TRARG1: variants seen among roughly 807,000 people sequenced by gnomAD.
The protein encoded by TRARG1 is trafficking regulator of GLUT4 (SLC2A4) 1 (gene/pseudogene).
TRARG1 carries 16 observed loss-of-function variants against 13.3 expected under a neutral mutation model. The observed-to-expected ratio is 1.20, with a 90% confidence interval of 0.81 to 1.83. TRARG1 has a LOEUF of 1.83. Ranked by LOEUF, TRARG1 falls within the 40% of genes most tolerant of loss-of-function variation. The probability of loss-of-function intolerance (pLI) is 0.00; values close to 1 mark genes in which losing one functional copy is unlikely to be tolerated. For missense variants in TRARG1, 250 were observed against 237.4 expected (o/e 1.05, Z -0.35); for synonymous variants, 113 against 106.2 (o/e 1.06, Z -0.39).
intron 1 of TRARG1, among the ~76,000 whole-genome samples, chr17:1,284,673 T>TA (rs2072007580): frequency 6.7e-6 from 1 of 149,962 alleles, no homozygotes; most frequent in South Asian, 2.1e-4. Context: ...AATGTGCCTC[T>TA]TTTATTTATT....
At chr17:1,283,995 G>C (rs12604056) in intron 1 of TRARG1, among the ~76,000 whole-genome samples, 13,857 of 150,330 alleles carry the variant, frequency 0.092, 722 homozygotes, top group East Asian at 0.21. Context: ...GGCGCCTGTA[G>C]TCCCAGCTAC....
In TRARG1 at chr17:1,280,910, C is replaced by A. The variant is rs553871591; in HGVS notation, c.387+522C>A. Among the ~76,000 whole-genome samples, 12 of 152,334 alleles carry A rather than the reference C, an allele frequency of 7.9e-5. No individual in the cohort carries two copies. In the East Asian group the frequency reaches 2.3e-3, roughly 29 times the overall value. The stretch of plus-strand genomic sequence containing the variant: ...GTACCCTGAGGGCTCCGGGGCCAGG[C>A]TCCCCCGAGGGGCGCACAAAGCGGG... On this transcript the variant is annotated intron_variant, in intron 1 of 2. Coordinates refer to ENST00000333813, the MANE Select transcript of TRARG1 (RefSeq NM_172367.3).
In TRARG1 at chr17:1,280,344, C is replaced by G; in HGVS notation, c.343C>G (p.Pro115Ala). The change falls in exon 1 of 3, where the codon CCC (proline) becomes GCC (alanine). Residue 115 changes from proline to alanine, a missense_variant. Coordinates refer to ENST00000333813, the MANE Select transcript of TRARG1 (RefSeq NM_172367.3). Reference sequence around the variant, plus strand: ...CCTGGCCGTCGTCGCCTGCTTCTGCCCCGTCTGGCCCCTCAACCTCATCCC... The same window carrying G: ...CCTGGCCGTCGTCGCCTGCTTCTGCGCCGTCTGGCCCCTCAACCTCATCCC... ...LILAVVACFC[P>A]VWPLNLIPLI... is the part of the protein sequence containing the mutation. The G allele has an allele frequency of 6.2e-7, 1 of 1,611,568 alleles. No individual in the cohort carries two copies. Among genetic ancestry groups the G allele is most frequent in the Non-Finnish European group, 8.5e-7 (1 of 1,178,944 alleles).
intron 2 of TRARG1, among the ~76,000 whole-genome samples, chr17:1,296,516 C>CT (rs5818791): frequency 0.66 from 90,726 of 136,520 alleles, 30,366 homozygotes; most frequent in East Asian, 0.88. Flanking sequence ...TTTTCTCTTT[C>CT]TTTTTTTTTT....
intron 1 of TRARG1, among the ~76,000 whole-genome samples, chr17:1,281,953 T>C (rs115295357): frequency 0.014 from 2,138 of 151,760 alleles, 14 homozygotes; most frequent in Middle Eastern, 0.061. Flanking sequence ...TATATGCACA[T>C]ACATGTACAT....
chr17:1,295,773 G>A, intron 2 of TRARG1, 150 bp downstream of exon 2: 1 of 884,582 alleles, frequency 1.1e-6, no homozygotes, highest in South Asian at 1.9e-5. Context: ...AGTCCATAAA[G>A]TGCCCCAGTT....
intron 1 of TRARG1, among the ~76,000 whole-genome samples, chr17:1,281,847 G>A (rs2071974221): frequency 6.6e-6 from 1 of 152,070 alleles, no homozygotes; most frequent in South Asian, 2.1e-4. Context: ...AGGCTGGGCA[G>A]GACCTGCCTC....
chr17:1,279,872 C>T lies in TRARG1; in HGVS notation c.-130C>T. ...ACCCTTCCAGCACCCAGCCGGCCCT[C>T]CGTCTCCTGAGGGACGCCCCTGCCC... On this transcript the variant is annotated 5_prime_UTR_variant, in exon 1 of 3. Coordinates refer to ENST00000333813, the MANE Select transcript of TRARG1 (RefSeq NM_172367.3). 1.8e-6 allele frequency: 2 copies of T among 1,109,416 alleles called. No individual in the cohort carries two copies. Among genetic ancestry groups the T allele is most frequent in the African/African-American group, 1.6e-5 (1 of 63,614 alleles). 68.7% of individuals were successfully genotyped at this position (1,109,416 alleles called of 1,614,324 possible).
intron 1 of TRARG1, among the ~76,000 whole-genome samples, chr17:1,282,221 C>CATGCGTATAT (rs1567928173): frequency 2.2e-5 from 2 of 91,548 alleles, no homozygotes; most frequent in African/African-American, 9.6e-5. Context: ...TACGTATACA[C>CATGCGTATAT]GTGCGTATAT....
At chr17:1,293,327 G>GT (rs1228587703) in intron 1 of TRARG1, among the ~76,000 whole-genome samples, 3 of 149,204 alleles carry the variant, frequency 2.0e-5, no homozygotes, top group African/African-American at 7.4e-5. Flanking sequence ...CTCCTGCTTT[G>GT]TAACAGAGGG....
intron 1 of TRARG1, among the ~76,000 whole-genome samples, chr17:1,291,103 A>C (rs1357584671): frequency 1.3e-5 from 2 of 151,108 alleles, no homozygotes; most frequent in African/African-American, 4.9e-5. Flanking sequence ...ACGGGGTTTC[A>C]CCATGTTGGT....
Position 1,292,584 on chromosome 17 carries a change from T to C in TRARG1, c.388-2907T>C, listed in dbSNP as rs777543896. On this transcript the variant is annotated intron_variant, in intron 1 of 2. Coordinates refer to ENST00000333813, the MANE Select transcript of TRARG1 (RefSeq NM_172367.3). ...ACCTCCTCAGTCAGCGACTGTTTTT[T>C]GAACATCTACACATTTGCCATGCAG... 7.2e-5 allele frequency among the ~76,000 whole-genome samples: 11 copies of C among 152,006 alleles called. 1 individual carries two copies. The highest frequency in any genetic ancestry group is 1.3e-4 in the Non-Finnish European group (9 of 67,974).
At chr17:1,293,498 G>A (rs544133725) in intron 1 of TRARG1, among the ~76,000 whole-genome samples, 2 of 149,882 alleles carry the variant, frequency 1.3e-5, no homozygotes, top group Non-Finnish European at 3.0e-5. Flanking sequence ...TGATGATGTC[G>A]TGGGTTGTGC....
At position 1,280,190 on chromosome 17, in the gene TRARG1, G is replaced by A; in HGVS notation, c.189G>A (p.Lys63=). 1 of 1,614,054 alleles carries A rather than the reference G, an allele frequency of 6.2e-7. No homozygotes were observed. Among genetic ancestry groups the A allele is most frequent in the East Asian group, 2.2e-5 (1 of 44,876 alleles). Residue 63 remains lysine, a synonymous_variant, in exon 1 of 3, where the codon AAG becomes AAA. Transcript: ENST00000333813. ...AGAACAGCCAGGGCCTACCCTTCAA[G>A]GCCATCTCCGAGGGGCACCTGGAGG... ...LEQNSQGLPF[K]AISEGHLEAP...
chr17:1,287,844 G>A (rs2150808552), intron 1 of TRARG1, among the ~76,000 whole-genome samples: 1 of 151,940 alleles, frequency 6.6e-6, no homozygotes, highest in East Asian at 1.9e-4. Flanking sequence ...GTAGAGACAA[G>A]GTTTCACCAT....
chr17:1,297,070 G>A (rs1266679334), intron 2 of TRARG1, among the ~76,000 whole-genome samples: 3 of 152,100 alleles, frequency 2.0e-5, no homozygotes, highest in Non-Finnish European at 4.4e-5. Flanking sequence ...CGTACATCAG[G>A]AAGTCCCCAA....
Position 1,280,389 on chromosome 17 carries a change from G to C in TRARG1, c.387+1G>C. The C allele has an allele frequency of 6.3e-7, 1 of 1,589,652 alleles. No individual in the cohort carries two copies. ...CATCCCCCTCATCATTTCCATCATGGTAAGTGCTGGTCTTTGTTCCAGGGG... is the reference window on the plus strand; with the variant it reads ...CATCCCCCTCATCATTTCCATCATGCTAAGTGCTGGTCTTTGTTCCAGGGG... On this transcript the variant is annotated splice_donor_variant, in intron 1 of 2. Coordinates refer to ENST00000333813, the MANE Select transcript of TRARG1 (RefSeq NM_172367.3). LOFTEE classifies it high-confidence loss of function.
Position 1,284,462 on chromosome 17 carries a change from C to T in TRARG1, c.387+4074C>T, listed in dbSNP as rs143790754. 3.9e-5 allele frequency among the ~76,000 whole-genome samples: 6 copies of T among 152,166 alleles called. No individual in the cohort carries two copies. The South Asian group carries it at 1.0e-3, about 26-fold the overall frequency. ...GAGGGGTTGGAGGGGATGAGGCTGG[C>T]GTTCAGCAGAGGGGACCCTCGTAGG... On this transcript the variant is annotated intron_variant, in intron 1 of 2. Transcript: ENST00000333813.
chr17:1,288,489 T>TG (rs2072042497), intron 1 of TRARG1, among the ~76,000 whole-genome samples: 1 of 24,274 alleles, frequency 4.1e-5, no homozygotes, highest in Non-Finnish European at 7.0e-5. Context: ...CCATCCCCCA[T>TG]GGGTTTCCCA....
Sources: allele counts gnomAD v4.1 joint callset (sites outside exome capture counted in the v4.1 genomes callset), GRCh38; gene constraint gnomAD v4.1.1; transcripts MANE v1.5; gene names NCBI Gene and HGNC (gene_info 2026-07-23, HGNC 2026-07-21).